BEAN1: variants seen among roughly 807,000 people sequenced by gnomAD.
The protein encoded by BEAN1 is brain expressed associated with NEDD4 1, also known as protein BEAN1.
A neutral mutation model predicts 17.7 loss-of-function variants in BEAN1; 17 were observed. That is an observed-to-expected ratio of 0.96 (90% CI 0.66 to 1.44). The LOEUF (loss-of-function observed/expected upper bound fraction) is 1.44. BEAN1 is among the 40% of genes most tolerant of loss of function. The pLI, the probability that BEAN1 is intolerant of heterozygous loss-of-function variation, is 0.00. For missense variants in BEAN1, 359 were observed against 374.1 expected, an observed-to-expected ratio of 0.96 and a Z score of 0.33; for synonymous variants, 142 against 151.8, an observed-to-expected ratio of 0.94 and a Z score of 0.47.
At chr16:66,455,610 T>G (rs1962835196) in intron 2 of BEAN1, among the ~76,000 whole-genome samples, 1 of 152,108 alleles carries the variant, frequency 6.6e-6, no homozygotes, top group African/African-American at 2.4e-5. Context: ...TTGGAGAAAT[T>G]TATTACATGA....
At position 66,434,716 on chromosome 16, in the gene BEAN1, G is replaced by A. The variant is rs4247349; in HGVS notation, c.-82-2879G>A. 0.24 allele frequency among the ~76,000 whole-genome samples: 36,094 copies of A among 152,042 alleles called. 5,489 individuals are homozygous for A. The highest frequency in any genetic ancestry group is 0.43 in the African/African-American group (17,866 of 41,422). ...ACTGTTGGCATCGTGGTCACCAATG[G>A]TGACAAGATGCCTGGGAAGCATCTC... On this transcript the variant is annotated intron_variant, in intron 1 of 4. Transcript: ENST00000536005. The surrounding 1 kb of genome is among the most constrained non-coding windows in gnomAD (Gnocchi z 4.3).
At chr16:66,459,614 C>A (rs935850304) in intron 2 of BEAN1, among the ~76,000 whole-genome samples, 2 of 152,182 alleles carry the variant, frequency 1.3e-5, no homozygotes, top group South Asian at 4.1e-4. Context: ...AGCCACTGCA[C>A]CTGTCCCAAA....
In BEAN1 at chr16:66,480,654, C is replaced by T. The variant is rs1056453062; in HGVS notation, c.509C>T (p.Ser170Leu). The change falls in exon 5 of 5, where the codon TCG becomes TTG. Residue 170 changes from serine (S) to leucine (L), a missense_variant. Coordinates refer to ENST00000536005, the MANE Select transcript of BEAN1 (RefSeq NM_001178020.3). ...YVPTDAPPPY[S>L]LTDSCPTLDG... ...CCCACGGACGCACCACCACCCTACT[C>T]GCTGACTGATTCCTGCCCCACGCTG... The T allele has an allele frequency of 4.0e-5, 62 of 1,551,512 alleles. No individual in the cohort carries two copies. Among genetic ancestry groups the T allele is most frequent in the Non-Finnish European group, 4.4e-5 (51 of 1,146,940 alleles).
At chr16:66,444,266 T>C (rs1037756115) in intron 2 of BEAN1, among the ~76,000 whole-genome samples, 2 of 152,168 alleles carry the variant, frequency 1.3e-5, no homozygotes, top group Non-Finnish European at 2.9e-5. Flanking sequence ...ACTTAGATTT[T>C]CCCCAATCTG....
chr16:66,450,764 G>GA (rs1962643739), intron 2 of BEAN1, among the ~76,000 whole-genome samples: 1 of 152,082 alleles, frequency 6.6e-6, no homozygotes, highest in Non-Finnish European at 1.5e-5. Context: ...AAAAGAAAAA[G>GA]AAAAAATCTT....
Position 66,437,663 on chromosome 16 carries a change from G to A in BEAN1, c.-14G>A. 2 of 1,535,952 alleles carry A rather than the reference G, an allele frequency of 1.3e-6. No individual in the cohort carries two copies. The highest frequency in any genetic ancestry group is 1.7e-6 in the Non-Finnish European group (2 of 1,146,772). On this transcript the variant is annotated 5_prime_UTR_variant, in exon 2 of 5. Transcript: ENST00000536005. ...GTGGGCAGGCTGGCTCCGCTGTTCT[G>A]CTCCAAGGATTACATGTCCTTCAAA...
rs561624774 is a variant in BEAN1 at position 66,473,729 on chromosome 16, A to C, written c.290-3831A>C. On this transcript the variant is annotated intron_variant, in intron 3 of 4. Coordinates refer to ENST00000536005, the MANE Select transcript of BEAN1 (RefSeq NM_001178020.3). This position sits in a 1 kb window ranked among gnomAD's most constrained non-coding sequence, Gnocchi z 4.5. Reference sequence around the variant, plus strand: ...ATAAATAAATAAATAAATAATAAATAATAAATAAAGAGGGAGGGGCAGTGT... The same window carrying C: ...ATAAATAAATAAATAAATAATAAATCATAAATAAAGAGGGAGGGGCAGTGT... Among the ~76,000 whole-genome samples the C allele has an allele frequency of 6.6e-6, 1 of 151,982 alleles. No homozygotes were observed. Among genetic ancestry groups the C allele is most frequent in the Non-Finnish European group, 1.5e-5 (1 of 67,912 alleles).
chr16:66,492,144 C>T (rs1461657441), intron 4 of BEAN1, among the ~76,000 whole-genome samples: 7 of 152,078 alleles, frequency 4.6e-5, no homozygotes, highest in Non-Finnish European at 1.0e-4. Flanking sequence ...CAGGATCAAG[C>T]GATTCTCCTG....
At position 66,477,708 on chromosome 16, in the gene BEAN1, AG is replaced by A; in HGVS notation, c.440+1del. Reference protein sequence around the residue: ...LRELYPDSPPGYEECVGPGAT... With the variant: ...LRELYPDSPPXYEECVGPGAT... Reference sequence around the variant, plus strand: ...GGGAGCTGTACCCAGATTCTCCACCAGGGTAAGGAGGCCTCATGGGGAAGGG... The same window carrying A: ...GGGAGCTGTACCCAGATTCTCCACCAGGTAAGGAGGCCTCATGGGGAAGGG... On this transcript the variant is annotated frameshift_variant and splice_region_variant, in exon 4 of 5. Transcript: ENST00000536005. LOFTEE classifies it low-confidence loss of function (END_TRUNC). The A allele has an allele frequency of 6.5e-7, 1 of 1,543,674 alleles. No individual in the cohort carries two copies. The highest frequency in any genetic ancestry group is 8.7e-7 in the Non-Finnish European group (1 of 1,143,104).
At chr16:66,484,507 CA>C (rs1964057420), downstream of BEAN1, 1 of 437,716 alleles carries the variant, frequency 2.3e-6, no homozygotes, top group Non-Finnish European at 4.6e-6. This position sits in a 1 kb window ranked among gnomAD's most constrained non-coding sequence, Gnocchi z 4.2. Context: ...CTGTCTGTGC[CA>C]GGGGCCAAGG....
At chr16:66,477,297 T>A (rs1963785677) in intron 3 of BEAN1, among the ~76,000 whole-genome samples, 2 of 152,250 alleles carry the variant, frequency 1.3e-5, no homozygotes, top group Admixed American at 6.5e-5. Flanking sequence ...TGCCAGGTTA[T>A]CCCCAAAGCA....
chr16:66,477,732 G>A, intron 4 of BEAN1, 22 bp downstream of exon 4: 2 of 1,523,176 alleles, frequency 1.3e-6, no homozygotes, highest in Non-Finnish European at 1.8e-6. Context: ...TCATGGGGAA[G>A]GGGGCATCAG....
At chr16:66,488,159 A>G (rs1247444913) in intron 4 of BEAN1, among the ~76,000 whole-genome samples, 1 of 151,950 alleles carries the variant, frequency 6.6e-6, no homozygotes, top group Non-Finnish European at 1.5e-5. Flanking sequence ...ATGGAGGACT[A>G]AGATGTCCAG....
intron 2 of BEAN1, among the ~76,000 whole-genome samples, chr16:66,459,577 T>A (rs1403039889): frequency 1.3e-5 from 2 of 152,066 alleles, no homozygotes; most frequent in African/African-American, 4.8e-5. Flanking sequence ...CACCTCAGCC[T>A]CCCAAAGTGC....
At chr16:66,488,668 G>T (rs928910531) in intron 4 of BEAN1, among the ~76,000 whole-genome samples, 3 of 151,870 alleles carry the variant, frequency 2.0e-5, no homozygotes, top group Admixed American at 2.0e-4. Context: ...CTGTACTCCA[G>T]CCTGGGCAAC....
intron 2 of BEAN1, among the ~76,000 whole-genome samples, chr16:66,461,071 A>G (rs1963064783): frequency 6.6e-6 from 1 of 151,514 alleles, no homozygotes; most frequent in African/African-American, 2.4e-5. Flanking sequence ...TATTTTTTTG[A>G]GGTTTCCACT....
chr16:66,467,816 G>A (rs73594700), intron 2 of BEAN1, among the ~76,000 whole-genome samples: 4,851 of 152,292 alleles, frequency 0.032, 260 homozygotes, highest in African/African-American at 0.11. Flanking sequence ...CCAGACACTA[G>A]AGCCTCCATC....
At chr16:66,489,931 G>C (rs1245378380) in intron 4 of BEAN1, among the ~76,000 whole-genome samples, 1 of 152,050 alleles carries the variant, frequency 6.6e-6, no homozygotes, top group East Asian at 1.9e-4. Flanking sequence ...AACATTGTAG[G>C]GGGCAGGGGA....
At chr16:66,460,952 G>A (rs1460375345) in intron 2 of BEAN1, among the ~76,000 whole-genome samples, 1 of 152,212 alleles carries the variant, frequency 6.6e-6, no homozygotes, top group Non-Finnish European at 1.5e-5. Flanking sequence ...ATAATGTGGT[G>A]CATGACAAGT....
Sources: allele counts gnomAD v4.1 joint callset (sites outside exome capture counted in the v4.1 genomes callset), GRCh38; gene constraint gnomAD v4.1.1; non-coding constraint Gnocchi (gnomAD v3.1); transcripts MANE v1.5; gene names NCBI Gene and HGNC (gene_info 2026-07-23, HGNC 2026-07-21).